SORCS1: variants seen among roughly 807,000 people sequenced by gnomAD.
SORCS1 encodes the protein VPS10 domain-containing receptor SorCS1.
SORCS1 carries 60 observed loss-of-function variants against 146.1 expected under a neutral mutation model. The observed-to-expected ratio is 0.41, with a 90% CI of 0.33 to 0.51. The LOEUF is 0.51. Ranked by LOEUF, SORCS1 falls within the 20% of genes least tolerant of loss-of-function variation. The pLI, the probability that SORCS1 is intolerant of heterozygous loss-of-function variation, is 0.21. For missense variants in SORCS1, 1,352 were observed against 1,487.6 expected (o/e 0.91, Z 1.50); for synonymous variants, 637 against 584.0 (o/e 1.09, Z -1.31).
intron 3 of SORCS1, among the ~76,000 whole-genome samples, chr10:106,815,847 G>A (rs187305123): frequency 6.6e-6 from 1 of 152,310 alleles, no homozygotes; most frequent in Non-Finnish European, 1.5e-5. Flanking sequence ...AGCACTAAAA[G>A]TGCAAGGAGG....
intron 1 of SORCS1, among the ~76,000 whole-genome samples, chr10:107,138,277 A>G (rs1424661739): frequency 1.3e-5 from 2 of 152,220 alleles, no homozygotes; most frequent in Admixed American, 1.3e-4. Context: ...TACTTAAAAT[A>G]TTTACTGGCT....
chr10:106,758,757 G>A (rs1402593195), intron 5 of SORCS1, among the ~76,000 whole-genome samples: 1 of 152,142 alleles, frequency 6.6e-6, no homozygotes, highest in Non-Finnish European at 1.5e-5. Context: ...AGAAAAAAAC[G>A]CTGACCAGAG....
chr10:106,832,181 CTTT>C (rs71025561), intron 2 of SORCS1, among the ~76,000 whole-genome samples: 3,951 of 130,364 alleles, frequency 0.03, 86 homozygotes, highest in East Asian at 0.11. Flanking sequence ...TTTGTTTTCG[CTTT>C]TTTTTTTTTT....
intron 1 of SORCS1, among the ~76,000 whole-genome samples, chr10:107,108,460 G>A (rs987582557): frequency 2.0e-5 from 3 of 152,046 alleles, no homozygotes; most frequent in African/African-American, 4.8e-5. Context: ...TAGTGGTGAG[G>A]TGCCACACAC....
intron 10 of SORCS1, among the ~76,000 whole-genome samples, chr10:106,680,709 G>T (rs1037631858): frequency 2.0e-5 from 3 of 152,144 alleles, no homozygotes; most frequent in African/African-American, 7.2e-5. Context: ...ATAAGTTTGT[G>T]TTTGAGCCCA....
intron 11 of SORCS1, 31 bp from the exon 12 acceptor site, chr10:106,679,363 G>C (rs560680473): frequency 1.3e-6 from 2 of 1,556,940 alleles, no homozygotes; most frequent in Non-Finnish European, 1.8e-6. Flanking sequence ...TTAGTGAAAA[G>C]AACTTTCTGC....
chr10:106,831,362 G>A (rs958510802), intron 2 of SORCS1, among the ~76,000 whole-genome samples: 1 of 152,096 alleles, frequency 6.6e-6, no homozygotes, highest in Non-Finnish European at 1.5e-5. Flanking sequence ...CTAAGTGTAA[G>A]GACATAGCAC....
chr10:106,843,933 G>A lies in SORCS1; in HGVS notation c.627-14260C>T, dbSNP rs1049928096. 3.9e-5 allele frequency among the ~76,000 whole-genome samples: 6 copies of A among 152,234 alleles called. No individual in the cohort carries two copies. The South Asian group carries it at 8.3e-4, about 21-fold the overall frequency. On this transcript the variant is annotated intron_variant, in intron 2 of 25. Transcript: ENST00000263054. ...ATATGCACCCAGGAATAAAACTGCT[G>A]GATCTATATGGAGCATATTTAAACT... is the stretch of plus-strand genomic sequence containing the variant.
intron 24 of SORCS1, among the ~76,000 whole-genome samples, chr10:106,595,520 C>CGT (rs1845854008): frequency 6.6e-6 from 1 of 152,118 alleles, no homozygotes; most frequent in African/African-American, 2.4e-5. Context: ...TCCACACCTC[C>CGT]ATACTCCATG....
In SORCS1 at chr10:107,097,075, C is replaced by G. The variant is rs577328857; in HGVS notation, c.558+66894G>C. On this transcript the variant is annotated intron_variant, in intron 1 of 25. Coordinates refer to ENST00000263054, the MANE Select transcript of SORCS1 (RefSeq NM_052918.5). ...TTTCGCAAAGTCACAGAAACACACGCATTCACTTTTACCATGTCCAATTGT... is the reference window on the plus strand; with the variant it reads ...TTTCGCAAAGTCACAGAAACACACGGATTCACTTTTACCATGTCCAATTGT... 3.3e-5 allele frequency among the ~76,000 whole-genome samples: 5 copies of G among 152,306 alleles called. No individual in the cohort carries two copies. In the East Asian group the frequency reaches 9.7e-4, roughly 29 times the overall value.
At chr10:106,779,040 G>A (rs1026046967) in intron 3 of SORCS1, among the ~76,000 whole-genome samples, 1 of 152,064 alleles carries the variant, frequency 6.6e-6, no homozygotes, top group Non-Finnish European at 1.5e-5. Flanking sequence ...GGTGCGAGTG[G>A]CAGAGTAACG....
Position 106,956,503 on chromosome 10 carries a change from A to T in SORCS1, c.626+10T>A. 2 of 1,612,978 alleles carry T rather than the reference A, an allele frequency of 1.2e-6. No homozygotes were observed. The highest frequency in any genetic ancestry group is 1.7e-6 in the Non-Finnish European group (2 of 1,179,176). ...AACACGGTAATTATTAGCTCCATTT[A>T]TCTACATACCTCCAAAGCGAGCTCT... On this transcript the variant is annotated intron_variant, in intron 2 of 25. Transcript: ENST00000263054.
At chr10:107,095,757 T>A (rs1034832525) in intron 1 of SORCS1, among the ~76,000 whole-genome samples, 1 of 152,006 alleles carries the variant, frequency 6.6e-6, no homozygotes, top group South Asian at 2.1e-4. Context: ...AAGTTACCAA[T>A]GGCTAAGTAT....
At chr10:106,663,326 T>C (rs1393871881) in intron 17 of SORCS1, among the ~76,000 whole-genome samples, 1 of 152,176 alleles carries the variant, frequency 6.6e-6, no homozygotes, top group Admixed American at 6.5e-5. Context: ...CCCAAATTAA[T>C]TTGTGTATTT....
chr10:106,836,525 C>T (rs1424884393), intron 2 of SORCS1, among the ~76,000 whole-genome samples: 1 of 150,860 alleles, frequency 6.6e-6, no homozygotes, highest in Non-Finnish European at 1.5e-5. Flanking sequence ...GCGCACTGGC[C>T]AGCATCCTTA....
At chr10:107,045,952 T>A (rs1313375562) in intron 1 of SORCS1, among the ~76,000 whole-genome samples, 3 of 151,852 alleles carry the variant, frequency 2.0e-5, no homozygotes, top group Non-Finnish European at 4.4e-5. Context: ...GCCTAATTTT[T>A]TTTTTTCTTT....
At chr10:106,697,878 G>A (rs1322664781) in intron 9 of SORCS1, among the ~76,000 whole-genome samples, 1 of 152,148 alleles carries the variant, frequency 6.6e-6, no homozygotes, top group Non-Finnish European at 1.5e-5. Flanking sequence ...TCAACATGAA[G>A]ATGAAACTAA....
chr10:106,857,180 T>G (rs1027925405), intron 2 of SORCS1, among the ~76,000 whole-genome samples: 10 of 152,268 alleles, frequency 6.6e-5, no homozygotes, highest in African/African-American at 2.2e-4. Context: ...CTTCTCCACA[T>G]GAAGGGTGAA....
Position 106,672,970 on chromosome 10 carries a change from GAA to G in SORCS1, c.1954_1955del (p.Phe652GlnfsTer5), listed in dbSNP as rs1291847589. Reference sequence around the variant, plus strand: ...CCAGCTGCCATTCAGAGCGGTGGCTGAAGTGTCCAAACACTCTACAGAGTTCA... The same window carrying G: ...CCAGCTGCCATTCAGAGCGGTGGCTGGTGTCCAAACACTCTACAGAGTTCA... The part of the protein sequence containing the change: ...ETLIMTVFGH[F>X]SHRSEWQLVK... On this transcript the variant is annotated frameshift_variant, in exon 15 of 26. Transcript: ENST00000263054. LOFTEE classifies it high-confidence loss of function. 1 of 1,613,864 alleles carries G rather than the reference GAA, an allele frequency of 6.2e-7. No homozygotes were observed.
Sources: allele counts gnomAD v4.1 joint callset (sites outside exome capture counted in the v4.1 genomes callset), GRCh38; gene constraint gnomAD v4.1.1; transcripts MANE v1.5; gene names NCBI Gene and HGNC (gene_info 2026-07-23, HGNC 2026-07-21).